The following RS1 variants were observed in gnomAD, a reference collection of about 807,000 sequenced individuals.
RS1 encodes retinoschisin.
In RS1, 2 loss-of-function variants were observed where a neutral mutation model predicts 20.8. That is an observed-to-expected ratio of 0.10 (90% confidence interval 0.04 to 0.30). RS1 has a LOEUF of 0.30. Among genes scored for constraint, RS1 ranks in the 10% least tolerant of loss-of-function variants. The pLI is 1.00. For missense variants in RS1, 151 were observed against 189.8 expected (o/e 0.80, Z 1.20); for synonymous variants, 70 against 75.8 (o/e 0.92, Z 0.40).
chrX:18,672,003 T>C lies in RS1; in HGVS notation c.52+14A>G. On this transcript the variant is annotated intron_variant, in intron 1 of 5. Transcript: ENST00000379984. ...TAAGTATGCAATGAATGTCAATGGTTGAATAGCACATACCTTCATAGCCAA... is the reference window on the plus strand; with the variant it reads ...TAAGTATGCAATGAATGTCAATGGTCGAATAGCACATACCTTCATAGCCAA... 8.4e-7 allele frequency: 1 copy of C among 1,196,472 alleles called. No homozygotes were observed. The highest frequency in any genetic ancestry group is 1.1e-6 in the Non-Finnish European group (1 of 881,322).
In RS1 at chrX:18,644,482, G is replaced by A; in HGVS notation, c.470C>T (p.Thr157Ile). The change falls in exon 5 of 6, where the codon ACC becomes ATC. Residue 157 changes from threonine (T) to isoleucine (I), a missense_variant. By Grantham distance (89) the Thr-to-Ile change is moderately conservative. Transcript: ENST00000379984. ...WMTKYSVQYR[T>I]DERLNWIYYK... is the part of the protein sequence containing the mutation. ...GTAAATCCAGTTCAGGCGCTCATCG[G>A]TCCTGTACTGCACGCTGTACTTGGT... 8.3e-7 allele frequency: 1 copy of A among 1,211,415 alleles called. No homozygotes were observed. The highest frequency in any genetic ancestry group is 1.1e-6 in the Non-Finnish European group (1 of 895,303).
At chrX:18,651,475 C>T (rs1316128776) in intron 3 of RS1, among the ~76,000 whole-genome samples, 1 of 110,978 alleles carries the variant, frequency 9.0e-6, no homozygotes, top group African/African-American at 3.3e-5. Context: ...AGAGAGGGAC[C>T]TGATTCCCCT....
chrX:18,650,254 G>A (rs752242995), intron 3 of RS1: 25 of 527,172 alleles, frequency 4.7e-5, no homozygotes, highest in Non-Finnish European at 7.3e-5. Flanking sequence ...CTCACTCTGC[G>A]ATCTAAAGAC....
chrX:18,642,976 C>T (rs921218889), intron 5 of RS1, among the ~76,000 whole-genome samples: 7 of 111,075 alleles, frequency 6.3e-5, no homozygotes, highest in Non-Finnish European at 1.1e-4. Flanking sequence ...ACCCGGGAGG[C>T]GGAGGTTACA....
chrX:18,648,171 A>C (rs1409131476), intron 3 of RS1, among the ~76,000 whole-genome samples: 1 of 111,087 alleles, frequency 9.0e-6, no homozygotes, highest in Non-Finnish European at 1.9e-5. Flanking sequence ...CTGCAGTGGC[A>C]GGCACAGTGT....
chrX:18,649,595 G>A (rs1168687089), intron 3 of RS1, among the ~76,000 whole-genome samples: 1 of 111,697 alleles, frequency 9.0e-6, no homozygotes, highest in Admixed American at 9.5e-5. Context: ...AGCTCTGTGG[G>A]TCTGAGGGTG....
At chrX:18,645,798 C>T (rs1927747474) in intron 4 of RS1, among the ~76,000 whole-genome samples, 1 of 110,983 alleles carries the variant, frequency 9.0e-6, no homozygotes, top group African/African-American at 3.3e-5. Flanking sequence ...TTCCCATCCT[C>T]ATTTGGTAAT....
chrX:18,665,028 A>G (rs764819001), intron 1 of RS1, among the ~76,000 whole-genome samples: 2 of 111,271 alleles, frequency 1.8e-5, no homozygotes, highest in South Asian at 7.5e-4. Flanking sequence ...TCTTTTCTCT[A>G]TTTCTTATCT....
At position 18,645,177 on chromosome X, in the gene RS1, G is replaced by A. The variant is rs189650994; in HGVS notation, c.327-552C>T. On this transcript the variant is annotated intron_variant, in intron 4 of 5. Transcript: ENST00000379984. ...TTTTTAGCTACATTCCTCATAAATC[G>A]TGGAAACCTATAGTAGTTCCCCCCG... Among the ~76,000 whole-genome samples the A allele has an allele frequency of 2.6e-3, 290 of 111,883 alleles. 1 individual carries two copies. Among genetic ancestry groups the A allele is most frequent in the Middle Eastern group, 9.1e-3 (2 of 219 alleles).
At chrX:18,647,371 A>C (rs769211720) in intron 3 of RS1, 39 bp from the exon 4 acceptor site, 50 of 1,182,144 alleles carry the variant, frequency 4.2e-5, no homozygotes, top group South Asian at 2.0e-4. Flanking sequence ...CACATATCTC[A>C]ATACTCAACA....
chrX:18,650,491 G>C (rs752120798), intron 3 of RS1: 2 of 1,211,932 alleles, frequency 1.7e-6, no homozygotes, highest in East Asian at 5.9e-5. Context: ...CCAATCTCCA[G>C]TCCTGCTCCC....
intron 5 of RS1, 97 bp downstream of exon 5, chrX:18,644,333 C>T: frequency 6.8e-6 from 5 of 739,738 alleles, no homozygotes; most frequent in Admixed American, 6.7e-5. Flanking sequence ...GCTGTGGAGT[C>T]GGTGCTCTGA....
chrX:18,653,688 G>C, intron 3 of RS1: 1 of 861,450 alleles, frequency 1.2e-6, no homozygotes, highest in Non-Finnish European at 1.6e-6. Flanking sequence ...AAAAACCAGG[G>C]CCAGGTGCAG....
intron 1 of RS1, among the ~76,000 whole-genome samples, chrX:18,664,612 G>C (rs1010057284): frequency 1.8e-5 from 2 of 111,644 alleles, no homozygotes; most frequent in Non-Finnish European, 3.8e-5. Context: ...CTGGGCAACA[G>C]AGTAAGACTC....
At chrX:18,648,647 G>A (rs1476274721) in intron 3 of RS1, among the ~76,000 whole-genome samples, 1 of 112,045 alleles carries the variant, frequency 8.9e-6, no homozygotes, top group Admixed American at 9.4e-5. Context: ...AAGTGCCCAG[G>A]TGACATAACT....
chrX:18,664,349 C>T (rs773207937), intron 1 of RS1, among the ~76,000 whole-genome samples: 4 of 112,407 alleles, frequency 3.6e-5, no homozygotes, highest in South Asian at 7.4e-4. Flanking sequence ...CAAAAGGGGC[C>T]GGGCGCGGTG....
chrX:18,665,122 A>G (rs189491646), intron 1 of RS1, among the ~76,000 whole-genome samples: 2 of 111,497 alleles, frequency 1.8e-5, no homozygotes, highest in East Asian at 5.7e-4. Flanking sequence ...CTACCATCCT[A>G]TGGCCACCAG....
At position 18,650,553 on chromosome X, in the gene RS1, C is replaced by G. The variant is rs374054249; in HGVS notation, c.185-3221G>C. On this transcript the variant is annotated intron_variant, in intron 3 of 5. Coordinates refer to ENST00000379984, the MANE Select transcript of RS1 (RefSeq NM_000330.4). ...TTCCATGTGCCCGACACTCCAGGTCCGAGGCACTGATGCTTTCAGCTGCCC... is the reference window on the plus strand; with the variant it reads ...TTCCATGTGCCCGACACTCCAGGTCGGAGGCACTGATGCTTTCAGCTGCCC... The G allele has an allele frequency of 6.4e-5, 78 of 1,210,840 alleles. No homozygotes were observed. The highest frequency in any genetic ancestry group is 8.4e-5 in the Non-Finnish European group (75 of 895,389).
chrX:18,670,867 G>T (rs1928481355), intron 1 of RS1, among the ~76,000 whole-genome samples: 1 of 112,221 alleles, frequency 8.9e-6, no homozygotes, highest in African/African-American at 3.2e-5. Flanking sequence ...TCCCTACTTA[G>T]AAATATACCT....
Sources: allele counts gnomAD v4.1 joint callset (sites outside exome capture counted in the v4.1 genomes callset), GRCh38; gene constraint gnomAD v4.1.1; transcripts MANE v1.5; gene names NCBI Gene and HGNC (gene_info 2026-07-23, HGNC 2026-07-21).